NDUFS7: variants seen among roughly 807,000 people sequenced by gnomAD.
NDUFS7 encodes the protein NADH:ubiquinone oxidoreductase core subunit S7, also known as NADH dehydrogenase [ubiquinone] iron-sulfur protein 7, mitochondrial.
NDUFS7 carries 11 observed loss-of-function variants against 31.1 expected under a neutral mutation model. The observed-to-expected ratio is 0.35, with a 90% CI of 0.22 to 0.59. The LOEUF (loss-of-function observed/expected upper bound fraction) is 0.59, where lower values mean the gene tolerates loss of function less well. Among genes scored for constraint, NDUFS7 ranks in the 20% least tolerant of loss-of-function variants. The pLI is 0.79. For synonymous variants in NDUFS7, 136 were observed against 127.9 expected (o/e 1.06, Z -0.43); for missense variants, 263 against 324.2 (o/e 0.81, Z 1.45).
rs1207194216 is a variant in NDUFS7, at chr19:1,393,414, C to T, written c.544+84C>T. The T allele has an allele frequency of 8.6e-7, 1 of 1,157,544 alleles. No homozygotes were observed. Among genetic ancestry groups the T allele is most frequent in the Admixed American group, 2.0e-5 (1 of 50,498 alleles). The allele number at this position is 1,157,544 out of a possible 1,614,324, so 71.7% of individuals were successfully genotyped here. ...AGCCCGGCGGCCCCTGTGAGGGAGT[C>T]CCACACCCCCAGCAGACGGCGGGCT... On this transcript the variant is annotated intron_variant, in intron 7 of 7. Coordinates refer to ENST00000233627, the MANE Select transcript of NDUFS7 (RefSeq NM_024407.5). The surrounding 1 kb of genome is among the most constrained non-coding windows in gnomAD (Gnocchi z 7.3).
intron 4 of NDUFS7, chr19:1,389,209 GCA>G (rs1480997781): frequency 4.4e-6 from 3 of 682,654 alleles, no homozygotes; most frequent in South Asian, 1.5e-5. Context: ...ACACACGCTT[GCA>G]CACATACACA....
At chr19:1,388,428 C>A in intron 2 of NDUFS7, 97 bp from the exon 3 acceptor site, 1 of 1,141,318 alleles carries the variant, frequency 8.8e-7, no homozygotes, top group Non-Finnish European at 1.3e-6. Flanking sequence ...AGAACAGTCT[C>A]GCAGCAGGGA....
In NDUFS7 at chr19:1,393,590, G is replaced by A; in HGVS notation, c.544+260G>A. ...CCTGACACACGCCTGGTTTACAGCA[G>A]TTTCATATGGTCCTACCTGGCACAA... is the stretch of plus-strand genomic sequence containing the variant. On this transcript the variant is annotated intron_variant, in intron 7 of 7. Transcript: ENST00000233627. This position sits in a 1 kb window ranked among gnomAD's most constrained non-coding sequence, Gnocchi z 7.3. 1.6e-6 allele frequency: 1 copy of A among 629,692 alleles called. No individual in the cohort carries two copies. The allele number at this position is 629,692 out of a possible 1,614,324, so 39.0% of individuals were successfully genotyped here. A position where few individuals can be genotyped will look rare whatever the true frequency, so the allele number is the denominator to read the frequency against.
At position 1,395,547 on chromosome 19, in the gene NDUFS7, C is replaced by T. The variant is rs988326258; in HGVS notation, c.*59C>T. 4.3e-5 allele frequency: 66 copies of T among 1,539,550 alleles called. No individual in the cohort carries two copies. The highest frequency in any genetic ancestry group is 8.2e-5 in the African/African-American group (6 of 72,874). ...TCCTGTCCCCAGCCTGCTTGTGTCC[C>T]GTGAGGTTGTCAATAAACCTGCCCT... On this transcript the variant is annotated 3_prime_UTR_variant, in exon 8 of 8. Coordinates refer to ENST00000233627, the MANE Select transcript of NDUFS7 (RefSeq NM_024407.5).
chr19:1,390,771 C>A, intron 4 of NDUFS7, 100 bp from the exon 5 acceptor site: 1 of 1,407,390 alleles, frequency 7.1e-7, no homozygotes. Flanking sequence ...GCTGCCGCCC[C>A]GGGACATGAG....
rs1187229189 is a variant in NDUFS7, at chr19:1,395,484, G to A, written c.638G>A (p.Arg213Lys). 1.9e-6 allele frequency: 3 copies of A among 1,580,546 alleles called. No individual in the cohort carries two copies. Among genetic ancestry groups the A allele is most frequent in the East Asian group, 2.3e-5 (1 of 43,444 alleles). The change falls in exon 8 of 8, where the codon AGG becomes AAG. Residue 213 changes from arginine to lysine, a missense_variant. Transcript: ENST00000233627. Reference protein sequence around the residue: ...RERRLQIWYRR With the variant: ...RERRLQIWYRK ...CGGAGGCTGCAGATCTGGTACCGCA[G>A]GTAGCGCCGCCGCCGCCGCCGCCGG...
At chr19:1,390,683 T>G (rs2082548705) in intron 4 of NDUFS7, 188 bp from the exon 5 acceptor site, 14 of 620,752 alleles carry the variant, frequency 2.3e-5, no homozygotes, top group Middle Eastern at 4.2e-4. Context: ...TATTTGAATG[T>G]GGCTGGTGGG....
In NDUFS7 at chr19:1,394,468, T is replaced by C. The variant is rs748121866; in HGVS notation, c.545-923T>C. The C allele has an allele frequency of 2.6e-4, 316 of 1,226,408 alleles. 2 individuals carry two copies. The highest frequency in any genetic ancestry group is 1.6e-3 in the Admixed American group (56 of 36,064). The allele number at this position is 1,226,408 out of a possible 1,614,324, so 76.0% of individuals were successfully genotyped here. A position where few individuals can be genotyped will look rare whatever the true frequency, so the allele number is the denominator to read the frequency against. Reference sequence around the variant, plus strand: ...CGCGCTCCTCCCTCCCTGCGGACTGTGCTCCCTGTCTGGGGACTGCGCTCC... The same window carrying C: ...CGCGCTCCTCCCTCCCTGCGGACTGCGCTCCCTGTCTGGGGACTGCGCTCC... On this transcript the variant is annotated intron_variant, in intron 7 of 7. Coordinates refer to ENST00000233627, the MANE Select transcript of NDUFS7 (RefSeq NM_024407.5).
At chr19:1,395,099 C>T (rs936571052) in intron 7 of NDUFS7, 114 of 1,318,228 alleles carry the variant, frequency 8.6e-5, no homozygotes, top group Non-Finnish European at 1.1e-4. Flanking sequence ...GGGCTGGGGC[C>T]GGGGGCCGGG....
At chr19:1,391,078 C>A (rs374220883) in intron 5 of NDUFS7, 28 bp downstream of exon 5, 20 of 1,612,422 alleles carry the variant, frequency 1.2e-5, no homozygotes, top group Non-Finnish European at 1.5e-5. Flanking sequence ...CGCCCAGCCG[C>A]CCCCAGAGTG....
intron 4 of NDUFS7, chr19:1,389,358 C>T (rs1206816781): frequency 6.3e-6 from 3 of 474,900 alleles, no homozygotes; most frequent in East Asian, 1.3e-4. Context: ...CTTGTGTGGA[C>T]ACATGCATGT....
At chr19:1,394,314 C>T (rs2082577431) in intron 7 of NDUFS7, 2 of 1,262,658 alleles carry the variant, frequency 1.6e-6, no homozygotes, top group Non-Finnish European at 2.1e-6. Context: ...CAGAGAGGTC[C>T]ATCCTGGGGT....
chr19:1,384,065 C>T, intron 1 of NDUFS7, 123 bp downstream of exon 1: 1 of 1,094,622 alleles, frequency 9.1e-7, no homozygotes, highest in Non-Finnish European at 1.2e-6. Context: ...CCGGGCTTCT[C>T]CGAGCCGGCC....
intron 1 of NDUFS7, chr19:1,386,795 G>C (rs2082510155): frequency 6.6e-6 from 1 of 152,178 alleles, no homozygotes; most frequent in Non-Finnish European, 1.5e-5. Flanking sequence ...CCACGCCCAG[G>C]CATTAATGAT....
At chr19:1,388,161 C>G in intron 2 of NDUFS7, 1 of 589,102 alleles carries the variant, frequency 1.7e-6, no homozygotes, top group Non-Finnish European at 3.0e-6. Context: ...TGGGGCAGGC[C>G]TCCTGCAGAC....
intron 6 of NDUFS7, chr19:1,392,351 GTT>G (rs1026508402): frequency 6.6e-6 from 1 of 152,152 alleles, no homozygotes; most frequent in African/African-American, 2.4e-5. Context: ...GTCTTGATAA[GTT>G]TACCCTTTTA....
chr19:1,392,651 T>C (rs1340380603), intron 6 of NDUFS7: 1 of 162,070 alleles, frequency 6.2e-6, no homozygotes, highest in East Asian at 1.8e-4. Context: ...TTTTCTTGGC[T>C]GAATAATATC....
intron 4 of NDUFS7, chr19:1,389,306 GTCATGCACACACATGCACACTCACAC>G (rs1568990315): frequency 1.9e-6 from 1 of 528,554 alleles, no homozygotes; most frequent in East Asian, 4.4e-5. Flanking sequence ...TATATGCACA[GTCATGCACACACATGCACACTCACAC>G]ACATGCACAC....
At chr19:1,394,845 T>A in intron 7 of NDUFS7, 1 of 1,153,584 alleles carries the variant, frequency 8.7e-7, no homozygotes, top group South Asian at 1.8e-5. Flanking sequence ...CTGGGCTTCG[T>A]CCTCTTGCTC....
Sources: gnomAD v4.1 joint callset for allele counts on GRCh38, gnomAD v4.1.1 for gene constraint, Gnocchi (gnomAD v3.1) non-coding constraint, MANE v1.5 for transcripts, NCBI Gene and HGNC (gene_info 2026-07-23, HGNC 2026-07-21) for gene names.